SLITRK2: variants seen among roughly 807,000 people sequenced by gnomAD.
SLITRK2 encodes the protein SLIT and NTRK-like protein 2.
Under a neutral mutation model 35.4 loss-of-function variants are expected in SLITRK2, and 13 were observed. The ratio of observed to expected loss-of-function variants is 0.37; its 90% confidence interval spans 0.24 to 0.58. The LOEUF (loss-of-function observed/expected upper bound fraction) is 0.58. SLITRK2 is among the 20% of genes least tolerant of loss of function. The pLI is 0.75. For synonymous variants in SLITRK2, 294 were observed against 264.7 expected (o/e 1.11, Z -1.07); for missense variants, 471 against 634.3 (o/e 0.74, Z 2.76).
Position 145,827,641 on chromosome X carries a change from C to T in SLITRK2, c.*2678C>T, listed in dbSNP as rs2073137889. 9.9e-7 allele frequency: 1 copy of T among 1,006,833 alleles called. No homozygotes were observed. Among genetic ancestry groups the T allele is most frequent in the Non-Finnish European group, 1.3e-6 (1 of 754,557 alleles). 83.0% of individuals were successfully genotyped at this position (1,006,833 alleles called of 1,213,427 possible). On this transcript the variant is annotated 3_prime_UTR_variant, in exon 5 of 5. Coordinates refer to ENST00000335565, the MANE Select transcript of SLITRK2 (RefSeq NM_032539.5). ...TATCCTCTTGCTTGTTACAGTTATA[C>T]TTAATTTGCAGTAGATTTTTAAATG...
At position 145,822,055 on chromosome X, in the gene SLITRK2, C is replaced by A. The variant is rs2073029364; in HGVS notation, c.-142C>A. The A allele has an allele frequency of 6.8e-6, 1 of 146,471 alleles. No homozygotes were observed. The highest frequency in any genetic ancestry group is 1.3e-5 in the Non-Finnish European group (1 of 78,933). The allele number at this position is 146,471 out of a possible 1,213,427, so 12.1% of individuals were successfully genotyped here. A position where few individuals can be genotyped will look rare whatever the true frequency, so the allele number is the denominator to read the frequency against. On this transcript the variant is annotated 5_prime_UTR_variant, in exon 4 of 5. Transcript: ENST00000335565. ...AAGACGGGCGAGCTGCCCGAGATCT[C>A]TTCGAGATACCCCAGGGGAGGAGGA...
intron 2 of SLITRK2, 65 bp from the exon 3 acceptor site, chrX:145,821,283 C>G (rs1172774396): frequency 9.2e-6 from 1 of 109,261 alleles, no homozygotes; most frequent in African/African-American, 3.3e-5. Context: ...AAGGAGGTGC[C>G]AGGCCATTAG....
chrX:145,823,051 T>C lies in SLITRK2; in HGVS notation c.626T>C (p.Met209Thr). 1 of 1,211,601 alleles carries C rather than the reference T, an allele frequency of 8.3e-7. No individual in the cohort carries two copies. The highest frequency in any genetic ancestry group is 1.1e-6 in the Non-Finnish European group (1 of 895,414). Residue 209 changes from methionine to threonine, a missense_variant, in exon 5 of 5, where the codon ATG (methionine) becomes ACG (threonine). Physicochemically the swap from Met to Thr is moderately conservative, Grantham distance 81. This residue lies in a region of SLITRK2 where 15 missense variants were observed against 45.7 expected (regional missense o/e 0.33). Transcript: ENST00000335565. ...GTCCTTGAACATATTGGAGGGATCA[T>C]GGAGATTCAGCTGGAGGAAAATCCA... ...AGVLEHIGGI[M>T]EIQLEENPWN... is the part of the protein sequence containing the mutation.
chrX:145,823,244 G>A lies in SLITRK2; in HGVS notation c.819G>A (p.Gln273=), dbSNP rs1556944184. 41 of 1,210,057 alleles carry A rather than the reference G, an allele frequency of 3.4e-5. No homozygotes were observed. Among genetic ancestry groups the A allele is most frequent in the Non-Finnish European group, 4.5e-5 (40 of 895,316 alleles). Residue 273 remains glutamine (Q), a synonymous_variant, in exon 5 of 5, where the codon CAG becomes CAA. Coordinates refer to ENST00000335565, the MANE Select transcript of SLITRK2 (RefSeq NM_032539.5). ...GAAAAAGTGCCAGTGATTCCAGTCA[G>A]AGGGGCAGCCATGCTGACACCCACG... ...CPRKSASDSS[Q]RGSHADTHVQ...
rs202041307 is a variant in SLITRK2, at chrX:145,823,304, C to T, written c.879C>T (p.Leu293=). 7 of 1,209,673 alleles carry T rather than the reference C, an allele frequency of 5.8e-6. No homozygotes were observed. In the African/African-American group the frequency reaches 7.0e-5, roughly 12 times the overall value. ...TGTCACCTACAATGAATCCTGCTCTCAACCCAACCAGGGCTCCGAAAGCCA... is the reference window on the plus strand; with the variant it reads ...TGTCACCTACAATGAATCCTGCTCTTAACCCAACCAGGGCTCCGAAAGCCA... The part of the protein sequence containing the change: ...QRLSPTMNPA[L]NPTRAPKASR... The change falls in exon 5 of 5, where the codon CTC becomes CTT. Residue 293 remains leucine, a synonymous_variant. Coordinates refer to ENST00000335565, the MANE Select transcript of SLITRK2 (RefSeq NM_032539.5).
chrX:145,822,530 C>T lies in SLITRK2; in HGVS notation c.105C>T (p.Cys35=), dbSNP rs2124148691. 1 of 1,211,020 alleles carries T rather than the reference C, an allele frequency of 8.3e-7. No homozygotes were observed. The highest frequency in any genetic ancestry group is 1.1e-6 in the Non-Finnish European group (1 of 895,253). The part of the protein sequence containing the change: ...AKDICKIRCL[C]EEKENVLNIN... ...ACATTTGCAAGATCCGCTGTCTGTG[C>T]GAAGAAAAGGAAAACGTACTGAATA... is the stretch of plus-strand genomic sequence containing the variant. Residue 35 remains cysteine (C), a synonymous_variant, in exon 5 of 5, where the codon TGC becomes TGT. Transcript: ENST00000335565.
chrX:145,827,712 A>G lies in SLITRK2; in HGVS notation c.*2749A>G, dbSNP rs1556946122. ...AGACTATTTTATTTAAAATCATCAT[A>G]CATCATATACTTTGAACCTTTATTT... On this transcript the variant is annotated 3_prime_UTR_variant, in exon 5 of 5. Transcript: ENST00000335565. 8.6e-7 allele frequency: 1 copy of G among 1,159,892 alleles called. No homozygotes were observed. Among genetic ancestry groups the G allele is most frequent in the East Asian group, 3.0e-5 (1 of 33,439 alleles).
At chrX:145,820,070 T>C (rs1276694005) in intron 1 of SLITRK2, 1 of 112,074 alleles carries the variant, frequency 8.9e-6, no homozygotes, top group Admixed American at 9.4e-5. Context: ...GGTCATTCTG[T>C]TCTCAAGTGG....
In SLITRK2 at chrX:145,827,543, C is replaced by A; in HGVS notation, c.*2580C>A. On this transcript the variant is annotated 3_prime_UTR_variant, in exon 5 of 5. Transcript: ENST00000335565. ...ATACCTTAATATTAACTTACTTACA[C>A]GATTTTAAAGACGCCTACTGAGAGA... The A allele has an allele frequency of 1.5e-5, 8 of 542,346 alleles. No homozygotes were observed. In the South Asian group the frequency reaches 4.0e-4, roughly 27 times the overall value. The allele number at this position is 542,346 out of a possible 1,213,427, so 44.7% of individuals were successfully genotyped here. A position where few individuals can be genotyped will look rare whatever the true frequency, so the allele number is the denominator to read the frequency against.
rs5904151 is a variant in SLITRK2 at position 145,825,169 on chromosome X, C to CTTTTTTTT, written c.*221_*228dup. 6.9e-4 allele frequency: 150 copies of CTTTTTTTT among 218,690 alleles called. 2 individuals are homozygous for CTTTTTTTT. The highest frequency in any genetic ancestry group is 5.2e-3 in the African/African-American group (110 of 21,072). The allele number at this position is 218,690 out of a possible 1,213,427, so 18.0% of individuals were successfully genotyped here. On this transcript the variant is annotated 3_prime_UTR_variant, in exon 5 of 5. Transcript: ENST00000335565. ...ATTTCTCTCTCGCTCTCCTCCCCTCCTTTTTTTTTTTTTTTTTTTTTTCTT... is the reference window on the plus strand; with the variant it reads ...ATTTCTCTCTCGCTCTCCTCCCCTCCTTTTTTTTTTTTTTTTTTTTTTTTTTTTTTCTT...
rs2073150411 is a variant in SLITRK2, at chrX:145,828,997, T to C, written c.*4034T>C. ...GTAAATACAAAATTTAAAAAGGTAC[T>C]TAAATTTTCTGGAATATCCATGTTT... is the stretch of plus-strand genomic sequence containing the variant. On this transcript the variant is annotated 3_prime_UTR_variant, in exon 5 of 5. Transcript: ENST00000335565. The C allele has an allele frequency of 1.6e-5, 2 of 123,646 alleles. No homozygotes were observed. The highest frequency in any genetic ancestry group is 1.9e-4 in the Admixed American group (2 of 10,594). The allele number at this position is 123,646 out of a possible 1,213,427, so 10.2% of individuals were successfully genotyped here.
At position 145,821,071 on chromosome X, in the gene SLITRK2, CCA is replaced by C. The variant is rs781985205; in HGVS notation, c.-729-247_-729-246del. ...ACCAGTCCTGTAGCAAAGAGGCACA[CCA>C]CACACACACACACACACACACACAC... On this transcript the variant is annotated intron_variant, in intron 2 of 4. Transcript: ENST00000335565. 4.9e-3 allele frequency: 444 copies of C among 90,706 alleles called. 3 individuals carry two copies. The highest frequency in any genetic ancestry group is 0.01 in the South Asian group (18 of 1,773). The allele number at this position is 90,706 out of a possible 1,213,427, so 7.5% of individuals were successfully genotyped here.
rs1556945007 is a variant in SLITRK2, at chrX:145,824,562, C to T, written c.2137C>T (p.Arg713Ter). The change falls in exon 5 of 5, where the codon CGA (arginine) becomes TGA (stop). Residue 713 changes from arginine (R) to a stop codon, truncating the protein, a stop_gained. Transcript: ENST00000335565. LOFTEE classifies it high-confidence loss of function. ...GGAAGGAGACCCAGTAGCCTATTAC[C>T]GAAACCTGCAAGAGTTCAGCTATAG... ...QKEGDPVAYY[R>*]NLQEFSYSNL... 8.3e-7 allele frequency: 1 copy of T among 1,210,250 alleles called. No individual in the cohort carries two copies. The highest frequency in any genetic ancestry group is 1.1e-6 in the Non-Finnish European group (1 of 895,203).
Position 145,821,870 on chromosome X carries a change from G to C in SLITRK2, c.-207G>C, listed in dbSNP as rs1264968926. 1 of 111,673 alleles carries C rather than the reference G, an allele frequency of 9.0e-6. No individual in the cohort carries two copies. The highest frequency in any genetic ancestry group is 1.9e-5 in the Non-Finnish European group (1 of 53,668). 9.2% of individuals were successfully genotyped at this position (111,673 alleles called of 1,213,427 possible). A position where few individuals can be genotyped will look rare whatever the true frequency, so the allele number is the denominator to read the frequency against. On this transcript the variant is annotated 5_prime_UTR_variant, in exon 3 of 5. Coordinates refer to ENST00000335565, the MANE Select transcript of SLITRK2 (RefSeq NM_032539.5). ...GTGGACTGCAGAGGAGAGGGATTCA[G>C]TCTTCTCCTGATGTGTGAGTAACCC...
At chrX:145,819,425 TTGAG>T (rs1351787462) in intron 1 of SLITRK2, 1 of 112,132 alleles carries the variant, frequency 8.9e-6, no homozygotes, top group Non-Finnish European at 1.9e-5. Context: ...TTGTAGTTTC[TTGAG>T]TAAGTCAGCA....
rs782076583 is a variant in SLITRK2, at chrX:145,827,707, A to T, written c.*2744A>T. The T allele has an allele frequency of 3.1e-5, 35 of 1,146,699 alleles. No homozygotes were observed. In the South Asian group the frequency reaches 6.3e-4, roughly 21 times the overall value. 94.5% of individuals were successfully genotyped at this position (1,146,699 alleles called of 1,213,427 possible). A position where few individuals can be genotyped will look rare whatever the true frequency, so the allele number is the denominator to read the frequency against. ...ATTCCAGACTATTTTATTTAAAATC[A>T]TCATACATCATATACTTTGAACCTT... On this transcript the variant is annotated 3_prime_UTR_variant, in exon 5 of 5. Transcript: ENST00000335565.
At chrX:145,822,226 A>C in intron 4 of SLITRK2, 73 bp downstream of exon 4, 1 of 414,291 alleles carries the variant, frequency 2.4e-6, no homozygotes, top group Non-Finnish European at 4.1e-6. Context: ...CGGAGAAAAG[A>C]AACCGCTTTG....
Position 145,827,413 on chromosome X carries a change from A to G in SLITRK2, c.*2450A>G. On this transcript the variant is annotated 3_prime_UTR_variant, in exon 5 of 5. Coordinates refer to ENST00000335565, the MANE Select transcript of SLITRK2 (RefSeq NM_032539.5). ...ATGACTAGAGGCTCTTGATGCAGTG[A>G]TTCCACTTCAGTGTTCATTTTTATT... 4.7e-6 allele frequency: 1 copy of G among 213,005 alleles called. No homozygotes were observed. The highest frequency in any genetic ancestry group is 8.4e-6 in the Non-Finnish European group (1 of 119,636). 17.6% of individuals were successfully genotyped at this position (213,005 alleles called of 1,213,427 possible).
rs782792598 is a variant in SLITRK2 at position 145,825,733 on chromosome X, G to A, written c.*770G>A. On this transcript the variant is annotated 3_prime_UTR_variant, in exon 5 of 5. Coordinates refer to ENST00000335565, the MANE Select transcript of SLITRK2 (RefSeq NM_032539.5). The stretch of plus-strand genomic sequence containing the variant: ...ACTATAAAATATTTCCTTTCCTCTG[G>A]GTTTAAGTGATTTTATTTAAGTCAA... The A allele has an allele frequency of 6.5e-5, 8 of 122,547 alleles. No individual in the cohort carries two copies. Among genetic ancestry groups the A allele is most frequent in the Non-Finnish European group, 1.1e-4 (6 of 53,001 alleles). The allele number at this position is 122,547 out of a possible 1,213,427, so 10.1% of individuals were successfully genotyped here.
Sources: allele counts gnomAD v4.1 joint callset, GRCh38; gene constraint gnomAD v4.1.1; regional missense constraint gnomAD v4.1.1; transcripts MANE v1.5; gene names NCBI Gene and HGNC (gene_info 2026-07-23, HGNC 2026-07-21).